The following RNGTT variants were observed in gnomAD, a reference collection of about 807,000 sequenced individuals.
RNGTT encodes RNA guanylyltransferase and 5'-phosphatase.
In RNGTT, 33 loss-of-function variants were observed where a neutral mutation model predicts 79.3. The ratio of observed to expected loss-of-function variants is 0.42; its 90% CI spans 0.32 to 0.56. The LOEUF (loss-of-function observed/expected upper bound fraction) is 0.56, where lower values mean the gene tolerates loss of function less well. Ranked by LOEUF, RNGTT falls within the 20% of genes least tolerant of loss-of-function variation. The pLI, the probability that RNGTT is intolerant of heterozygous loss-of-function variation, is 0.17. For synonymous variants in RNGTT, 222 were observed against 235.9 expected (o/e 0.94, Z 0.54); for missense variants, 497 against 739.1 (o/e 0.67, Z 3.80).
At chr6:88,826,197 T>C (rs1208970917) in intron 11 of RNGTT, among the ~76,000 whole-genome samples, 1 of 152,200 alleles carries the variant, frequency 6.6e-6, no homozygotes, top group Non-Finnish European at 1.5e-5. Flanking sequence ...GATAGCATCT[T>C]ATTTGGTAAA....
intron 11 of RNGTT, among the ~76,000 whole-genome samples, chr6:88,837,048 G>A (rs968314115): frequency 2.6e-5 from 4 of 152,112 alleles, no homozygotes; most frequent in Non-Finnish European, 4.4e-5. Flanking sequence ...AAATAATTCC[G>A]TGGAGGAATT....
chr6:88,656,533 C>A (rs1045946790), intron 14 of RNGTT, among the ~76,000 whole-genome samples: 3 of 151,886 alleles, frequency 2.0e-5, no homozygotes, highest in African/African-American at 4.8e-5. Context: ...ACATTTTATT[C>A]ACTTATTATG....
intron 13 of RNGTT, among the ~76,000 whole-genome samples, chr6:88,739,173 A>ATGTGTGT (rs1433934416): frequency 1.3e-5 from 2 of 152,280 alleles, no homozygotes; most frequent in East Asian, 3.9e-4. Context: ...TATTAGAAGC[A>ATGTGTGT]TTAAACACAC....
At chr6:88,655,709 G>T (rs778198963) in intron 14 of RNGTT, among the ~76,000 whole-genome samples, 12 of 152,114 alleles carry the variant, frequency 7.9e-5, no homozygotes, top group Non-Finnish European at 1.8e-4. Context: ...AAGCCTTTCT[G>T]CAGTGTCAAA....
chr6:88,861,523 GTTTC>G (rs1257898347), intron 8 of RNGTT, among the ~76,000 whole-genome samples: 2 of 151,782 alleles, frequency 1.3e-5, no homozygotes, highest in Non-Finnish European at 2.9e-5. Context: ...ATTTTTTCCT[GTTTC>G]TTTCAACTCT....
At chr6:88,739,635 A>T (rs1213980119) in intron 13 of RNGTT, among the ~76,000 whole-genome samples, 2 of 150,596 alleles carry the variant, frequency 1.3e-5, no homozygotes, top group Non-Finnish European at 3.0e-5. Flanking sequence ...AAATACTTTA[A>T]AATGTTAAAA....
intron 13 of RNGTT, among the ~76,000 whole-genome samples, chr6:88,696,003 TG>T (rs1554206315): frequency 6.6e-6 from 1 of 152,028 alleles, no homozygotes; most frequent in South Asian, 2.1e-4. Context: ...GGTTAGGGGA[TG>T]GGGGAAACAG....
chr6:88,935,589 T>C (rs150800123), intron 2 of RNGTT, among the ~76,000 whole-genome samples: 3 of 152,256 alleles, frequency 2.0e-5, no homozygotes, highest in Non-Finnish European at 2.9e-5. Context: ...GTTAGGAGTT[T>C]TTTCTATTTC....
At chr6:88,960,252 A>T (rs573886658) in intron 1 of RNGTT, among the ~76,000 whole-genome samples, 5 of 152,368 alleles carry the variant, frequency 3.3e-5, no homozygotes, top group Non-Finnish European at 5.9e-5. Context: ...GTAGACATTT[A>T]AATATTTGCT....
At chr6:88,723,213 C>A (rs1776763960) in intron 13 of RNGTT, among the ~76,000 whole-genome samples, 1 of 152,190 alleles carries the variant, frequency 6.6e-6, no homozygotes, top group African/African-American at 2.4e-5. Context: ...AACAGTGAAA[C>A]TGATTATCCT....
intron 8 of RNGTT, among the ~76,000 whole-genome samples, chr6:88,862,993 C>T (rs1782061071): frequency 6.6e-6 from 1 of 152,186 alleles, no homozygotes; most frequent in African/African-American, 2.4e-5. Flanking sequence ...ACTCGTACCA[C>T]ATCAACTTAA....
chr6:88,822,691 A>C (rs1446762417), intron 11 of RNGTT, among the ~76,000 whole-genome samples: 1 of 152,210 alleles, frequency 6.6e-6, no homozygotes, highest in East Asian at 1.9e-4. Context: ...AATAGTGGCA[A>C]ATCTATCACA....
chr6:88,698,194 A>G (rs1775785286), intron 13 of RNGTT, among the ~76,000 whole-genome samples: 1 of 113,320 alleles, frequency 8.8e-6, no homozygotes, highest in Admixed American at 9.6e-5. Flanking sequence ...TATATGAAAT[A>G]TATATGATAT....
intron 13 of RNGTT, among the ~76,000 whole-genome samples, chr6:88,734,324 T>C (rs1339676689): frequency 2.6e-5 from 4 of 152,072 alleles, no homozygotes; most frequent in African/African-American, 9.7e-5. Context: ...AAGTATAATT[T>C]ATATATTAAG....
At chr6:88,773,810 G>T (rs1458748980) in intron 12 of RNGTT, among the ~76,000 whole-genome samples, 2 of 151,996 alleles carry the variant, frequency 1.3e-5, no homozygotes, top group African/African-American at 4.8e-5. Context: ...CATATACAAA[G>T]ATTAACAAAA....
chr6:88,619,356 T>C (rs1486766054), intron 14 of RNGTT, among the ~76,000 whole-genome samples: 1 of 152,098 alleles, frequency 6.6e-6, no homozygotes, highest in Admixed American at 6.6e-5. Context: ...TTTGTAGAGA[T>C]GGGGTATCCC....
chr6:88,696,845 AG>A (rs770522768), intron 13 of RNGTT, among the ~76,000 whole-genome samples: 22 of 152,180 alleles, frequency 1.4e-4, no homozygotes, highest in Non-Finnish European at 3.2e-4. Flanking sequence ...CCGTTTCTGC[AG>A]AAAAAGAAGT....
intron 13 of RNGTT, among the ~76,000 whole-genome samples, chr6:88,759,943 T>G (rs971562517): frequency 2.6e-5 from 4 of 152,130 alleles, no homozygotes; most frequent in Non-Finnish European, 4.4e-5. Flanking sequence ...AACAAGCTTT[T>G]TATAACATAA....
At chr6:88,931,848 T>C (rs1784522944) in intron 2 of RNGTT, among the ~76,000 whole-genome samples, 1 of 152,158 alleles carries the variant, frequency 6.6e-6, no homozygotes, top group African/African-American at 2.4e-5. Flanking sequence ...ATCATCTTCG[T>C]AAGCTGAGGA....
Sources: allele counts gnomAD v4.1 joint callset (sites outside exome capture counted in the v4.1 genomes callset), GRCh38; gene constraint gnomAD v4.1.1; transcripts MANE v1.5; gene names NCBI Gene and HGNC (gene_info 2026-07-23, HGNC 2026-07-21).